The following YPEL2 variants were observed in gnomAD, a reference collection of about 807,000 sequenced individuals.
YPEL2 encodes protein yippee-like 2.
Under a neutral mutation model 19.1 loss-of-function variants are expected in YPEL2, and 2 were observed. The observed-to-expected ratio is 0.10, with a 90% CI of 0.04 to 0.33. The LOEUF (loss-of-function observed/expected upper bound fraction) is 0.33, where lower values mean the gene tolerates loss of function less well. YPEL2 is among the 10% of genes least tolerant of loss of function. The probability of loss-of-function intolerance (pLI) is 1.00; values close to 1 mark genes in which losing one functional copy is unlikely to be tolerated. For synonymous variants in YPEL2, 52 were observed against 50.0 expected (o/e 1.04, Z -0.17); for missense variants, 66 against 140.7 (o/e 0.47, Z 2.68).
intron 4 of YPEL2, among the ~76,000 whole-genome samples, chr17:59,390,480 C>G (rs1055263136): frequency 2.4e-4 from 37 of 152,338 alleles, no homozygotes; most frequent in African/African-American, 8.4e-4. Context: ...TACTTTGATA[C>G]TCCAATAAAT....
At chr17:59,393,935 C>T (rs2048022296) in intron 4 of YPEL2, among the ~76,000 whole-genome samples, 1 of 152,252 alleles carries the variant, frequency 6.6e-6, no homozygotes, top group Non-Finnish European at 1.5e-5. Flanking sequence ...ACACAGCAGT[C>T]ATCCGATTTC....
intron 2 of YPEL2, among the ~76,000 whole-genome samples, chr17:59,373,072 G>A (rs941958547): frequency 1.3e-5 from 2 of 152,130 alleles, no homozygotes; most frequent in Non-Finnish European, 2.9e-5. Context: ...GGGTTTCACC[G>A]TGTTGGCCAG....
intron 2 of YPEL2, among the ~76,000 whole-genome samples, chr17:59,382,179 CAG>C (rs1336789886): frequency 2.0e-5 from 3 of 152,222 alleles, no homozygotes; most frequent in Non-Finnish European, 2.9e-5. Flanking sequence ...GCCGAGGAAA[CAG>C]AGGTTCATAG....
chr17:59,384,268 T>C (rs2047969315), intron 2 of YPEL2, among the ~76,000 whole-genome samples: 2 of 152,214 alleles, frequency 1.3e-5, no homozygotes, highest in Admixed American at 1.3e-4. Flanking sequence ...CTTCTGAATA[T>C]CCTCCATTTC....
chr17:59,366,792 A>T (rs1436295398), intron 2 of YPEL2, among the ~76,000 whole-genome samples: 1 of 152,220 alleles, frequency 6.6e-6, no homozygotes, highest in Non-Finnish European at 1.5e-5. Flanking sequence ...GGAGAGAGGA[A>T]GCCAGTGAAA....
In YPEL2 at chr17:59,364,594, T is replaced by A. The variant is rs145621423; in HGVS notation, c.117+11068T>A. ...TTATTCATTTAGTAGCTGTGTACATTAAGTAATCCCTCTGTGTCTTTTTTT... is the reference window on the plus strand; with the variant it reads ...TTATTCATTTAGTAGCTGTGTACATAAAGTAATCCCTCTGTGTCTTTTTTT... On this transcript the variant is annotated intron_variant, in intron 2 of 4. Transcript: ENST00000312655. 2.6e-3 allele frequency among the ~76,000 whole-genome samples: 386 copies of A among 151,158 alleles called. 5 individuals carry two copies. Among genetic ancestry groups the A allele is most frequent in the East Asian group, 9.5e-3 (49 of 5,152 alleles).
intron 1 of YPEL2, among the ~76,000 whole-genome samples, chr17:59,340,572 CGCTCG>C (rs1382191369): frequency 6.6e-6 from 1 of 151,940 alleles, no homozygotes; most frequent in Non-Finnish European, 1.5e-5. Context: ...CCCGCCACCT[CGCTCG>C]GCTAATTTTT....
At chr17:59,358,838 C>T (rs2047826273) in intron 2 of YPEL2, among the ~76,000 whole-genome samples, 1 of 151,840 alleles carries the variant, frequency 6.6e-6, no homozygotes, top group African/African-American at 2.4e-5. Context: ...GAACTCCTGA[C>T]CTCAGGTGAT....
intron 2 of YPEL2, among the ~76,000 whole-genome samples, chr17:59,368,000 C>T (rs954915787): frequency 6.6e-6 from 1 of 152,188 alleles, no homozygotes; most frequent in Non-Finnish European, 1.5e-5. Context: ...AGTCACTTAA[C>T]CTCCCTCATC....
At chr17:59,360,201 C>T (rs1301488050) in intron 2 of YPEL2, among the ~76,000 whole-genome samples, 13 of 152,254 alleles carry the variant, frequency 8.5e-5, no homozygotes, top group South Asian at 2.1e-4. Context: ...CTCAGCCTCC[C>T]GAGTAGCTGG....
intron 4 of YPEL2, among the ~76,000 whole-genome samples, chr17:59,394,450 G>A (rs2048027503): frequency 4.6e-5 from 7 of 151,518 alleles, no homozygotes; most frequent in Admixed American, 4.6e-4. Context: ...CTTCCTAGAT[G>A]GGATGGCGGC....
At chr17:59,356,855 A>G (rs532725075) in intron 2 of YPEL2, among the ~76,000 whole-genome samples, 1 of 152,210 alleles carries the variant, frequency 6.6e-6, no homozygotes, top group African/African-American at 2.4e-5. Context: ...CCTCTTTATA[A>G]GGACACTAAT....
At chr17:59,380,519 C>A (rs1184760412) in intron 2 of YPEL2, among the ~76,000 whole-genome samples, 1 of 152,260 alleles carries the variant, frequency 6.6e-6, no homozygotes, top group East Asian at 1.9e-4. Flanking sequence ...ATCTGCCCTC[C>A]TTGGCCTCCC....
intron 4 of YPEL2, among the ~76,000 whole-genome samples, chr17:59,393,543 C>T (rs1205055188): frequency 3.1e-5 from 4 of 130,532 alleles, no homozygotes; most frequent in Admixed American, 7.8e-5. Context: ...ATTGATCATT[C>T]TTGGGTGTTT....
At chr17:59,383,921 G>T (rs1200980218) in intron 2 of YPEL2, among the ~76,000 whole-genome samples, 3 of 151,886 alleles carry the variant, frequency 2.0e-5, no homozygotes, top group African/African-American at 7.3e-5. Context: ...CACCATTTGA[G>T]ACATTTAGGT....
chr17:59,373,774 T>C (rs993956188), intron 2 of YPEL2, among the ~76,000 whole-genome samples: 2 of 152,204 alleles, frequency 1.3e-5, no homozygotes, highest in Non-Finnish European at 2.9e-5. Flanking sequence ...GCTCAGGAGA[T>C]GATTTTCCAA....
At chr17:59,394,191 G>A (rs2147960619) in intron 4 of YPEL2, among the ~76,000 whole-genome samples, 1 of 151,844 alleles carries the variant, frequency 6.6e-6, no homozygotes, top group Non-Finnish European at 1.5e-5. Context: ...CGGGCGGGGG[G>A]CTGACCCCCA....
chr17:59,357,718 T>C (rs1752758545), intron 2 of YPEL2, among the ~76,000 whole-genome samples: 1 of 152,168 alleles, frequency 6.6e-6, no homozygotes, highest in Non-Finnish European at 1.5e-5. Flanking sequence ...CACAAAGCTT[T>C]TGTATGAAAA....
intron 2 of YPEL2, among the ~76,000 whole-genome samples, chr17:59,370,728 T>TGCAGC (rs1266327552): frequency 7.1e-6 from 1 of 140,868 alleles, no homozygotes; most frequent in Admixed American, 7.0e-5. Context: ...TAGGGTTTGC[T>TGCAGC]GGCCCATCGA....
Sources: gnomAD v4.1 joint callset for allele counts (sites outside exome capture counted in the v4.1 genomes callset) on GRCh38, gnomAD v4.1.1 for gene constraint, MANE v1.5 for transcripts, NCBI Gene and HGNC (gene_info 2026-07-23, HGNC 2026-07-21) for gene names.